The following MBNL2 variants were observed in gnomAD, a reference collection of about 807,000 sequenced individuals.
MBNL2 encodes muscleblind-like protein 2.
Under a neutral mutation model 41.9 loss-of-function variants are expected in MBNL2, and 17 were observed. That is an observed-to-expected ratio of 0.41 (90% CI 0.28 to 0.61). MBNL2 has a LOEUF of 0.61. Ranked by LOEUF, MBNL2 falls within the 20% of genes least tolerant of loss-of-function variation. The pLI is 0.35. For synonymous variants in MBNL2, 195 were observed against 182.9 expected (o/e 1.07, Z -0.53); for missense variants, 336 against 505.6 (o/e 0.66, Z 3.22).
chr13:97,206,459 G>A, the MBNL2 span, among the ~76,000 whole-genome samples: 17,679 of 152,094 alleles, frequency 0.12, 1,720 homozygotes, highest in African/African-American at 0.27. Context: ...AATTAGGTTT[G>A]GCTGTGAATC....
chr13:97,383,814 G>A (rs549166339), intron 8 of MBNL2, among the ~76,000 whole-genome samples: 22 of 151,998 alleles, frequency 1.4e-4, no homozygotes, highest in Non-Finnish European at 2.5e-4. Context: ...CCCAACCTCC[G>A]AACAATATTC....
the MBNL2 span, among the ~76,000 whole-genome samples, chr13:97,167,373 TC>T: frequency 7.2e-6 from 1 of 139,102 alleles, no homozygotes; most frequent in Admixed American, 7.7e-5. Context: ...ATGGAAAGAT[TC>T]ATTAATGCTT....
the MBNL2 span, among the ~76,000 whole-genome samples, chr13:97,184,663 A>G: frequency 7.2e-5 from 11 of 152,126 alleles, no homozygotes; most frequent in Non-Finnish European, 1.3e-4. Flanking sequence ...TTGTATTTTT[A>G]GTAGGAACGG....
intron 2 of MBNL2, among the ~76,000 whole-genome samples, chr13:97,290,302 A>T (rs1425993585): frequency 6.6e-6 from 1 of 150,598 alleles, no homozygotes; most frequent in East Asian, 2.0e-4. Context: ...CTGGAAATAC[A>T]GCATGTTAGA....
At chr13:97,203,882 A>T in the MBNL2 span, among the ~76,000 whole-genome samples, 5,982 of 125,530 alleles carry the variant, frequency 0.048, 384 homozygotes, top group African/African-American at 0.16. Context: ...GAATGGATGG[A>T]TGGATGGATG....
At chr13:97,300,685 A>C (rs1164777204) in intron 2 of MBNL2, among the ~76,000 whole-genome samples, 1 of 152,134 alleles carries the variant, frequency 6.6e-6, no homozygotes, top group Non-Finnish European at 1.5e-5. Context: ...TTTCACCTTC[A>C]ACATCTTTAC....
At chr13:97,293,232 T>G (rs900077001) in intron 2 of MBNL2, among the ~76,000 whole-genome samples, 1 of 152,218 alleles carries the variant, frequency 6.6e-6, no homozygotes, top group Non-Finnish European at 1.5e-5. Flanking sequence ...ATCTTATAGA[T>G]TTTTGTTAAA....
At chr13:97,165,382 ACT>A in the MBNL2 span, among the ~76,000 whole-genome samples, 1 of 152,116 alleles carries the variant, frequency 6.6e-6, no homozygotes. Flanking sequence ...ACACAGTTAA[ACT>A]CTATTATCTA....
In MBNL2 at chr13:97,376,651, A is replaced by T. The variant is rs151092284; in HGVS notation, c.1048+11480A>T. Among the ~76,000 whole-genome samples the T allele has an allele frequency of 1.1e-3, 168 of 152,300 alleles. 1 individual carries two copies. The highest frequency in any genetic ancestry group is 3.9e-3 in the African/African-American group (162 of 41,558). ...CTGCTTGCTGCAATGCATTTCTGGA[A>T]GCAGCATCTTTAAGGCGATCATTGT... On this transcript the variant is annotated intron_variant, in intron 8 of 8. Coordinates refer to ENST00000679496, the MANE Select transcript of MBNL2 (RefSeq NM_001382683.1).
the MBNL2 span, among the ~76,000 whole-genome samples, chr13:97,195,478 G>GA: frequency 8.6e-5 from 13 of 151,890 alleles, no homozygotes; most frequent in African/African-American, 1.7e-4. Context: ...TTGGTGCTCA[G>GA]AAAAAAAATT....
chr13:97,298,200 A>T (rs1247652199), intron 2 of MBNL2, among the ~76,000 whole-genome samples: 1 of 151,624 alleles, frequency 6.6e-6, no homozygotes, highest in Non-Finnish European at 1.5e-5. Flanking sequence ...TAAATAAATA[A>T]AAATAAATAA....
At chr13:97,321,700 G>T (rs1594207802) in intron 2 of MBNL2, among the ~76,000 whole-genome samples, 1 of 152,282 alleles carries the variant, frequency 6.6e-6, no homozygotes, top group East Asian at 1.9e-4. Context: ...ATATTGTGAA[G>T]GTCTAATAAG....
At chr13:97,177,793 G>GT in the MBNL2 span, among the ~76,000 whole-genome samples, 4 of 152,118 alleles carry the variant, frequency 2.6e-5, no homozygotes, top group Non-Finnish European at 4.4e-5. Flanking sequence ...CATAAAATGT[G>GT]TTAACATATA....
chr13:97,365,678 G>C (rs1298385373), intron 8 of MBNL2, among the ~76,000 whole-genome samples: 1 of 152,170 alleles, frequency 6.6e-6, no homozygotes, highest in Non-Finnish European at 1.5e-5. Context: ...TTTAAGTGCT[G>C]ATTTATTTGG....
At chr13:97,277,479 C>G (rs551810685) in intron 2 of MBNL2, among the ~76,000 whole-genome samples, 2 of 152,246 alleles carry the variant, frequency 1.3e-5, no homozygotes, top group African/African-American at 4.8e-5. Context: ...AATAGTGACC[C>G]TAGCCTATTC....
rs189490315 is a variant in MBNL2 at position 97,265,332 on chromosome 13, C to T, written c.-604-10300C>T. ...AAAACAAAGGTTGGCTTATCTGAGT[C>T]ATTGAATGGCCTTGGGTAACCCTAT... On this transcript the variant is annotated intron_variant, in intron 1 of 8. Coordinates refer to ENST00000679496, the MANE Select transcript of MBNL2 (RefSeq NM_001382683.1). Among the ~76,000 whole-genome samples the T allele has an allele frequency of 3.4e-3, 514 of 152,316 alleles. 2 individuals are homozygous for T. Among genetic ancestry groups the T allele is most frequent in the African/African-American group, 0.011 (470 of 41,562 alleles).
At chr13:97,229,468 T>C (rs2042093033) in intron 1 of MBNL2, among the ~76,000 whole-genome samples, 1 of 152,172 alleles carries the variant, frequency 6.6e-6, no homozygotes, top group Non-Finnish European at 1.5e-5. Context: ...CATGGATGTT[T>C]GATAATGTGT....
chr13:97,292,852 C>T (rs561420996), intron 2 of MBNL2, among the ~76,000 whole-genome samples: 120 of 152,100 alleles, frequency 7.9e-4, no homozygotes, highest in African/African-American at 2.7e-3. Flanking sequence ...CCAAGATTTT[C>T]AATTTTATCA....
the MBNL2 span, among the ~76,000 whole-genome samples, chr13:97,197,132 C>A: frequency 6.6e-6 from 1 of 152,210 alleles, no homozygotes; most frequent in African/African-American, 2.4e-5. Context: ...ACTCTCCTAT[C>A]TGTAAACTCA....
Sources: gnomAD v4.1 joint callset for allele counts (sites outside exome capture counted in the v4.1 genomes callset) on GRCh38, gnomAD v4.1.1 for gene constraint, MANE v1.5 for transcripts, NCBI Gene and HGNC (gene_info 2026-07-23, HGNC 2026-07-21) for gene names.